Variants in CSMD1 observed in about 807,000 individuals in gnomAD.
CSMD1 encodes the protein CUB and sushi domain-containing protein 1.
A neutral mutation model predicts 417.5 loss-of-function variants in CSMD1; 213 were observed. The ratio of observed to expected loss-of-function variants is 0.51; its 90% CI spans 0.46 to 0.57. CSMD1 has a LOEUF of 0.57. Among genes scored for constraint, CSMD1 ranks in the 20% least tolerant of loss-of-function variants. The pLI, the probability that CSMD1 is intolerant of heterozygous loss-of-function variation, is 0.00. For synonymous variants in CSMD1, 2,862 were observed against 1,736.8 expected (o/e 1.65, Z -16.11); for missense variants, 6,923 against 4,529.7 (o/e 1.53, Z -15.17).
chr8:4,356,736 C>A (rs770504592), intron 3 of CSMD1, among the ~76,000 whole-genome samples: 1 of 152,068 alleles, frequency 6.6e-6, no homozygotes, highest in Non-Finnish European at 1.5e-5. Context: ...ACAGTGAGGG[C>A]ACCTTCTCCG....
chr8:3,139,098 C>T (rs1396130420), intron 41 of CSMD1, among the ~76,000 whole-genome samples: 3 of 152,152 alleles, frequency 2.0e-5, no homozygotes. Flanking sequence ...GGAAGCAAAA[C>T]TGCGAGCTCA....
chr8:4,053,959 C>T (rs944364226), intron 3 of CSMD1, among the ~76,000 whole-genome samples: 1 of 152,078 alleles, frequency 6.6e-6, no homozygotes, highest in African/African-American at 2.4e-5. Flanking sequence ...TCTTTATTAC[C>T]GTGCATTCAA....
At chr8:4,055,475 A>G (rs1798643658) in intron 3 of CSMD1, among the ~76,000 whole-genome samples, 1 of 152,088 alleles carries the variant, frequency 6.6e-6, no homozygotes, top group African/African-American at 2.4e-5. Flanking sequence ...ATTATATGAA[A>G]TACATATGTA....
chr8:4,710,850 T>C (rs1044188941), intron 1 of CSMD1, among the ~76,000 whole-genome samples: 5 of 150,760 alleles, frequency 3.3e-5, no homozygotes, highest in African/African-American at 1.2e-4. Flanking sequence ...GTCTCAAAAA[T>C]AATAATAATA....
chr8:4,781,224 G>C (rs934216841), intron 1 of CSMD1, among the ~76,000 whole-genome samples: 32 of 152,242 alleles, frequency 2.1e-4, no homozygotes, highest in South Asian at 8.3e-4. Flanking sequence ...GGCATTATGT[G>C]GTGAGGCACA....
intron 3 of CSMD1, among the ~76,000 whole-genome samples, chr8:4,289,928 T>C (rs896683207): frequency 5.9e-5 from 9 of 152,188 alleles, no homozygotes; most frequent in African/African-American, 2.2e-4. Flanking sequence ...AGTGAGTAAT[T>C]AGAATCATTA....
At chr8:4,432,702 GCCTGTGCTTTTAACT>G (rs1478271969) in intron 2 of CSMD1, among the ~76,000 whole-genome samples, 1 of 152,172 alleles carries the variant, frequency 6.6e-6, no homozygotes, top group Non-Finnish European at 1.5e-5. Flanking sequence ...TCTCTCCAGA[GCCTGTGCTTTTAACT>G]CCTGAAAGTT....
At position 3,507,041 on chromosome 8, in the gene CSMD1, C is replaced by T. The variant is rs570375004; in HGVS notation, c.1345-13315G>A. 9.2e-5 allele frequency among the ~76,000 whole-genome samples: 14 copies of T among 152,140 alleles called. 1 individual carries two copies. Among genetic ancestry groups the T allele is most frequent in the Middle Eastern group, 3.4e-3 (1 of 294 alleles). The stretch of plus-strand genomic sequence containing the variant: ...TGTAAGAATTGAACAAACGTATATA[C>T]CAAGTGCCTAACATAGAGCTTGGTG... On this transcript the variant is annotated intron_variant, in intron 10 of 69. Coordinates refer to ENST00000635120, the MANE Select transcript of CSMD1 (RefSeq NM_033225.6).
intron 3 of CSMD1, among the ~76,000 whole-genome samples, chr8:4,140,839 CA>C (rs1214615164): frequency 6.6e-6 from 1 of 150,924 alleles, no homozygotes; most frequent in East Asian, 1.9e-4. Context: ...CTCCAGGTTT[CA>C]AATCAAATCT....
intron 1 of CSMD1, among the ~76,000 whole-genome samples, chr8:4,753,257 A>G (rs1001865910): frequency 6.6e-6 from 1 of 152,114 alleles, no homozygotes; most frequent in African/African-American, 2.4e-5. Flanking sequence ...GAGTCACAAA[A>G]GAAAATTTCC....
intron 12 of CSMD1, among the ~76,000 whole-genome samples, chr8:3,450,199 T>C (rs553695830): frequency 3.3e-5 from 5 of 152,322 alleles, no homozygotes; most frequent in Admixed American, 1.3e-4. Context: ...TCTGATAAGA[T>C]GGGCCTTAAC....
chr8:3,830,394 C>T (rs1284414908), intron 5 of CSMD1, among the ~76,000 whole-genome samples: 8 of 152,266 alleles, frequency 5.3e-5, no homozygotes, highest in South Asian at 4.1e-4. Flanking sequence ...TTACCTGGAC[C>T]GCTTCCAATC....
intron 3 of CSMD1, among the ~76,000 whole-genome samples, chr8:4,319,726 G>T (rs1585224118): frequency 6.6e-6 from 1 of 152,084 alleles, no homozygotes. Flanking sequence ...AGAGGAAAAA[G>T]AACTGAGACT....
chr8:3,016,710 C>G (rs1019821658), intron 52 of CSMD1, among the ~76,000 whole-genome samples: 12 of 152,050 alleles, frequency 7.9e-5, no homozygotes, highest in Admixed American at 4.6e-4. Context: ...TATCCAATAT[C>G]TACAACACAA....
intron 2 of CSMD1, among the ~76,000 whole-genome samples, chr8:4,547,334 G>A (rs746228715): frequency 2.6e-5 from 4 of 152,042 alleles, no homozygotes; most frequent in African/African-American, 4.8e-5. Flanking sequence ...AATTTTCCAC[G>A]TTGCCACAGC....
rs985036408 is a variant in CSMD1, at chr8:4,864,423, A to G, written c.85+129909T>C. Among the ~76,000 whole-genome samples the G allele has an allele frequency of 2.0e-5, 3 of 151,936 alleles. 1 individual carries two copies. Among genetic ancestry groups the G allele is most frequent in the African/African-American group, 7.3e-5 (3 of 41,374 alleles). ...AAAAATATCACTTCCTTACTTTACT[A>G]TATCCACAAATTTGCCTTTAATTAT... is the stretch of plus-strand genomic sequence containing the variant. On this transcript the variant is annotated intron_variant, in intron 1 of 69. Coordinates refer to ENST00000635120, the MANE Select transcript of CSMD1 (RefSeq NM_033225.6).
At chr8:4,729,275 T>A (rs1809692659) in intron 1 of CSMD1, among the ~76,000 whole-genome samples, 1 of 152,084 alleles carries the variant, frequency 6.6e-6, no homozygotes, top group Admixed American at 6.5e-5. Flanking sequence ...AAAAACCCGA[T>A]CATTATATTC....
At chr8:4,050,653 G>A (rs532702282) in intron 3 of CSMD1, among the ~76,000 whole-genome samples, 1 of 151,692 alleles carries the variant, frequency 6.6e-6, no homozygotes, top group Non-Finnish European at 1.5e-5. Context: ...GATCTTATTC[G>A]TTCTCTTTTT....
chr8:4,018,002 G>A (rs2554595), intron 4 of CSMD1, among the ~76,000 whole-genome samples: 30,765 of 152,100 alleles, frequency 0.2, 3,936 homozygotes, highest in Non-Finnish European at 0.26. Flanking sequence ...ATTGCTTCAT[G>A]AGTATGGTTT....
Sources: gnomAD v4.1 joint callset for allele counts (sites outside exome capture counted in the v4.1 genomes callset) on GRCh38, gnomAD v4.1.1 for gene constraint, MANE v1.5 for transcripts, NCBI Gene and HGNC (gene_info 2026-07-23, HGNC 2026-07-21) for gene names.